The following AIMP2 variants were observed in gnomAD, a reference collection of about 807,000 sequenced individuals.
The protein encoded by AIMP2 is aminoacyl tRNA synthase complex-interacting multifunctional protein 2.
A neutral mutation model predicts 23.4 loss-of-function variants in AIMP2; 20 were observed. The ratio of observed to expected loss-of-function variants is 0.85; its 90% CI spans 0.60 to 1.24. The LOEUF is 1.24. Among genes scored for constraint, AIMP2 ranks in the 50% most tolerant of loss-of-function variants. The pLI is 0.00. For missense variants in AIMP2, 515 were observed against 414.5 expected (o/e 1.24, Z -2.10); for synonymous variants, 210 against 170.4 (o/e 1.23, Z -1.81).
At chr7:6,019,443 C>G (rs900151310) in intron 3 of AIMP2, among the ~76,000 whole-genome samples, 28 of 149,148 alleles carry the variant, frequency 1.9e-4, no homozygotes, top group African/African-American at 6.4e-4. Context: ...CGAGATCACG[C>G]CAGCGCACTC....
At chr7:6,021,760 C>CA (rs1787436257) in intron 3 of AIMP2, among the ~76,000 whole-genome samples, 1 of 152,128 alleles carries the variant, frequency 6.6e-6, no homozygotes, top group African/African-American at 2.4e-5. Context: ...TCTGATTATT[C>CA]AAGGCTGCTT....
intron 2 of AIMP2, 144 bp downstream of exon 2, chr7:6,015,496 G>A (rs987895995): frequency 6.0e-5 from 50 of 832,356 alleles, no homozygotes; most frequent in Middle Eastern, 7.2e-4. Flanking sequence ...AAGCCAAGGC[G>A]GGCAGATCAT....
At chr7:6,014,075 C>T (rs1786866873) in intron 1 of AIMP2, among the ~76,000 whole-genome samples, 2 of 152,006 alleles carry the variant, frequency 1.3e-5, no homozygotes, top group African/African-American at 4.8e-5. Context: ...GTATAAATTA[C>T]TCAGTTACAT....
At chr7:6,016,887 G>C (rs1255691834) in intron 2 of AIMP2, 1 of 157,352 alleles carries the variant, frequency 6.4e-6, no homozygotes, top group Non-Finnish European at 1.4e-5. Flanking sequence ...GCATGGGTTT[G>C]GATTATGACA....
At position 6,018,990 on chromosome 7, in the gene AIMP2, C is replaced by CACAA. The variant is rs767819752; in HGVS notation, c.574+946_574+947insCAAA. ...CCTTACACACACACACACACACACA[C>CACAA]AATACATGGCACCACTTGCAGTTGA... is the stretch of plus-strand genomic sequence containing the variant. On this transcript the variant is annotated intron_variant, in intron 3 of 3. Transcript: ENST00000223029. 1.6e-3 allele frequency among the ~76,000 whole-genome samples: 225 copies of CACAA among 143,730 alleles called. 1 individual carries two copies. Among genetic ancestry groups the CACAA allele is most frequent in the Non-Finnish European group, 2.5e-3 (162 of 65,284 alleles). 94.3% of individuals were successfully genotyped at this position (143,730 alleles called of 152,430 possible). A position where few individuals can be genotyped will look rare whatever the true frequency, so the allele number is the denominator to read the frequency against.
At chr7:6,010,817 T>TC (rs1786627672) in intron 1 of AIMP2, among the ~76,000 whole-genome samples, 1 of 151,300 alleles carries the variant, frequency 6.6e-6, no homozygotes, top group Non-Finnish European at 1.5e-5. Flanking sequence ...GTTTTTTTTT[T>TC]TTTAATGTAG....
intron 2 of AIMP2, 52 bp from the exon 3 acceptor site, chr7:6,017,762 A>G (rs1376830893): frequency 6.6e-7 from 1 of 1,525,820 alleles, no homozygotes; most frequent in Non-Finnish European, 8.9e-7. Context: ...CGCCCGGCAC[A>G]GTGGCACTCT....
rs1786330097 is a variant in AIMP2, at chr7:6,009,297, G to A, written c.-67G>A. 2 of 1,610,062 alleles carry A rather than the reference G, an allele frequency of 1.2e-6. No homozygotes were observed. The highest frequency in any genetic ancestry group is 1.7e-6 in the Non-Finnish European group (2 of 1,179,150). ...AGAAGGGAGGTGGCCGGTCTCCGTC[G>A]TGACCTCTGACGGTTTCTGAGCGTT... On this transcript the variant is annotated 5_prime_UTR_variant, in exon 1 of 4. In the 5' UTR this introduces an upstream ATG that the reference lacks. Transcript: ENST00000223029.
Position 6,009,449 on chromosome 7 carries a change from A to C in AIMP2, c.86A>C (p.Asn29Thr). The C allele has an allele frequency of 6.2e-7, 1 of 1,610,328 alleles. No individual in the cohort carries two copies. The highest frequency in any genetic ancestry group is 2.2e-5 in the East Asian group (1 of 44,758). ...CCCACCTGCATGTACCGGCTCCCCA[A>C]CGTGCACGGCAGGAGCTACGGCCCA... ...ELPTCMYRLP[N>T]VHGRSYGPAP... The change falls in exon 1 of 4, where the codon AAC (asparagine) becomes ACC (threonine). Residue 29 changes from asparagine to threonine, a missense_variant. Coordinates refer to ENST00000223029, the MANE Select transcript of AIMP2 (RefSeq NM_006303.4).
intron 1 of AIMP2, among the ~76,000 whole-genome samples, chr7:6,009,966 A>C (rs1405843840): frequency 2.5e-5 from 1 of 40,174 alleles, no homozygotes; most frequent in Non-Finnish European, 5.0e-5. Flanking sequence ...AAAAAAAAAA[A>C]AAAAAAAAAT....
At chr7:6,019,214 T>C (rs1488142105) in intron 3 of AIMP2, among the ~76,000 whole-genome samples, 2 of 151,694 alleles carry the variant, frequency 1.3e-5, no homozygotes, top group African/African-American at 2.4e-5. Flanking sequence ...GGAAATTGCA[T>C]GTTGCAGTCA....
At chr7:6,020,020 CAA>C (rs35319543) in intron 3 of AIMP2, among the ~76,000 whole-genome samples, 29 of 80,574 alleles carry the variant, frequency 3.6e-4, no homozygotes, top group African/African-American at 3.9e-4. Context: ...GACTCCATCT[CAA>C]AAAAAAAAAA....
intron 1 of AIMP2, among the ~76,000 whole-genome samples, chr7:6,011,662 C>T (rs1786698838): frequency 6.6e-6 from 1 of 152,160 alleles, no homozygotes; most frequent in Non-Finnish European, 1.5e-5. Flanking sequence ...ACTGTTATTT[C>T]AGTACAGAGC....
intron 3 of AIMP2, among the ~76,000 whole-genome samples, chr7:6,020,592 T>G (rs760745485): frequency 6.6e-6 from 1 of 152,164 alleles, no homozygotes; most frequent in African/African-American, 2.4e-5. Context: ...AAATGATGGT[T>G]TGATAATTTT....
chr7:6,018,109 T>C, intron 3 of AIMP2, 64 bp downstream of exon 3: 1 of 1,259,058 alleles, frequency 7.9e-7, no homozygotes, highest in Non-Finnish European at 1.1e-6. Flanking sequence ...GAGTTTCACC[T>C]GCATGAGTCC....
intron 1 of AIMP2, among the ~76,000 whole-genome samples, chr7:6,009,949 CAA>C (rs1156596688): frequency 0.038 from 841 of 22,358 alleles, 39 homozygotes; most frequent in African/African-American, 0.13. Context: ...AACTCTATCT[CAA>C]AAAAAAAAAA....
Position 6,023,350 on chromosome 7 carries a change from G to T in AIMP2, c.622G>T (p.Glu208Ter). The change falls in exon 4 of 4, where the codon GAA (glutamate) becomes TAA (stop). Residue 208 changes from glutamate (E) to a stop codon, truncating the protein, a stop_gained. Transcript: ENST00000223029. LOFTEE classifies it high-confidence loss of function. ...KFSIQTMCPI[E>*]GEGNIARFLF... ...CAGCATCCAGACGATGTGCCCCATC[G>T]AAGGCGAAGGGAACATTGCACGTTT... The T allele has an allele frequency of 1.2e-6, 2 of 1,611,378 alleles. No homozygotes were observed. The highest frequency in any genetic ancestry group is 1.7e-6 in the Non-Finnish European group (2 of 1,179,222).
At chr7:6,019,912 C>A (rs1787275276) in intron 3 of AIMP2, among the ~76,000 whole-genome samples, 1 of 151,170 alleles carries the variant, frequency 6.6e-6, no homozygotes, top group African/African-American at 2.4e-5. Flanking sequence ...GTCCCAGCTA[C>A]TTGGAAGCCT....
chr7:6,011,914 G>A (rs925650116), intron 1 of AIMP2, among the ~76,000 whole-genome samples: 4 of 152,130 alleles, frequency 2.6e-5, no homozygotes, highest in African/African-American at 9.7e-5. Context: ...CACTCTTCTA[G>A]CAGTTTCTCT....
Sources: allele counts gnomAD v4.1 joint callset (sites outside exome capture counted in the v4.1 genomes callset), GRCh38; gene constraint gnomAD v4.1.1; transcripts MANE v1.5; gene names NCBI Gene and HGNC (gene_info 2026-07-23, HGNC 2026-07-21).